NCEH1: variants seen among roughly 807,000 people sequenced by gnomAD.
The protein encoded by NCEH1 is 2-acetyl MAGE hydrolase.
Under a neutral mutation model 25.4 loss-of-function variants are expected in NCEH1, and 9 were observed. That is an observed-to-expected ratio of 0.35 (90% CI 0.21 to 0.62). The LOEUF is 0.62. Among genes scored for constraint, NCEH1 ranks in the 20% least tolerant of loss-of-function variants. The probability of loss-of-function intolerance (pLI) is 0.72; values close to 1 mark genes in which losing one functional copy is unlikely to be tolerated. For missense variants in NCEH1, 412 were observed against 501.1 expected, an observed-to-expected ratio of 0.82 and a Z score of 1.70; for synonymous variants, 200 against 199.8, an observed-to-expected ratio of 1.00 and a Z score of -0.01.
At chr3:172,681,310 C>T (rs555110853) in intron 1 of NCEH1, 2 of 152,150 alleles carry the variant, frequency 1.3e-5, no homozygotes, top group African/African-American at 4.8e-5. Flanking sequence ...TTTAAAAAGA[C>T]TCAGGTTTTT....
chr3:172,676,095 C>T (rs1488922571), intron 1 of NCEH1, among the ~76,000 whole-genome samples: 6 of 152,150 alleles, frequency 3.9e-5, no homozygotes, highest in African/African-American at 1.2e-4. Flanking sequence ...AAAGAATCAT[C>T]GTCCAACACC....
intron 1 of NCEH1, among the ~76,000 whole-genome samples, chr3:172,690,914 A>G (rs1335858467): frequency 6.7e-6 from 1 of 148,784 alleles, no homozygotes; most frequent in African/African-American, 2.6e-5. Flanking sequence ...TTTTATAATA[A>G]AATAATTCAG....
intron 1 of NCEH1, among the ~76,000 whole-genome samples, chr3:172,689,686 G>A (rs1158368122): frequency 6.0e-5 from 9 of 148,894 alleles, no homozygotes; most frequent in South Asian, 4.4e-4. Flanking sequence ...ACTCCAGCCT[G>A]GAGTGACAGC....
At chr3:172,651,461 C>G (rs1444686296) in intron 1 of NCEH1, among the ~76,000 whole-genome samples, 1 of 151,956 alleles carries the variant, frequency 6.6e-6, no homozygotes, top group Non-Finnish European at 1.5e-5. Context: ...CCACACCTTT[C>G]TATAGTTGTT....
rs865883857 is a variant in NCEH1 at position 172,658,864 on chromosome 3, T to C, written c.139-10750A>G. The stretch of plus-strand genomic sequence containing the variant: ...ACTTTTTTTTTTTTTTTTTTTTTTT[T>C]TTTTTACTATCAACACAGAAAACAA... On this transcript the variant is annotated intron_variant, in intron 1 of 4. Coordinates refer to ENST00000475381, the MANE Select transcript of NCEH1 (RefSeq NM_020792.6). 9.2e-3 allele frequency among the ~76,000 whole-genome samples: 1,370 copies of C among 148,836 alleles called. 14 individuals carry two copies. The highest frequency in any genetic ancestry group is 0.033 in the African/African-American group (1,317 of 40,190).
At chr3:172,680,560 A>G (rs1437072767) in intron 1 of NCEH1, among the ~76,000 whole-genome samples, 1 of 152,032 alleles carries the variant, frequency 6.6e-6, no homozygotes, top group Non-Finnish European at 1.5e-5. Flanking sequence ...ACAGCCATAA[A>G]TGGATGGGGA....
chr3:172,692,661 G>A (rs936003251), intron 1 of NCEH1, among the ~76,000 whole-genome samples: 12 of 152,082 alleles, frequency 7.9e-5, no homozygotes, highest in Admixed American at 2.6e-4. Flanking sequence ...CACCGTGCCT[G>A]GCCTAGAATA....
intron 1 of NCEH1, among the ~76,000 whole-genome samples, chr3:172,698,020 A>G (rs920658617): frequency 4.1e-5 from 5 of 120,578 alleles, no homozygotes; most frequent in Non-Finnish European, 8.1e-5. Flanking sequence ...TTTGTCACCC[A>G]GGTTGGAGTA....
chr3:172,637,307 G>A (rs1205602667), intron 3 of NCEH1, among the ~76,000 whole-genome samples: 1 of 152,026 alleles, frequency 6.6e-6, no homozygotes, highest in East Asian at 1.9e-4. Flanking sequence ...AAATTAGGTA[G>A]GATAAAAACT....
chr3:172,675,325 A>AT (rs1223943409), intron 1 of NCEH1, among the ~76,000 whole-genome samples: 2,935 of 151,660 alleles, frequency 0.019, 96 homozygotes, highest in African/African-American at 0.061. Context: ...AAATAAATAA[A>AT]TAAATAAATA....
intron 2 of NCEH1, among the ~76,000 whole-genome samples, chr3:172,646,018 G>GA (rs968480878): frequency 1.3e-4 from 19 of 151,792 alleles, no homozygotes; most frequent in South Asian, 4.2e-4. Flanking sequence ...CATCTTTCTG[G>GA]AAAAAAAATC....
At chr3:172,666,587 A>G (rs900950967) in intron 1 of NCEH1, among the ~76,000 whole-genome samples, 1 of 152,006 alleles carries the variant, frequency 6.6e-6, no homozygotes, top group African/African-American at 2.4e-5. Context: ...GTGTCATTTT[A>G]TCTAAACTGG....
chr3:172,664,859 T>G (rs1325815104), intron 1 of NCEH1, among the ~76,000 whole-genome samples: 1 of 152,206 alleles, frequency 6.6e-6, no homozygotes, highest in Non-Finnish European at 1.5e-5. Context: ...GCCATTTGTC[T>G]AATCTTTTTT....
intron 1 of NCEH1, among the ~76,000 whole-genome samples, chr3:172,709,231 G>A (rs2108235214): frequency 1.3e-5 from 2 of 152,350 alleles, no homozygotes; most frequent in South Asian, 4.1e-4. Flanking sequence ...TTATGATGGA[G>A]AAGACTTCTT....
chr3:172,660,675 G>A (rs575184778), intron 1 of NCEH1, among the ~76,000 whole-genome samples: 1 of 152,268 alleles, frequency 6.6e-6, no homozygotes, highest in African/African-American at 2.4e-5. Context: ...ATTCTAACTG[G>A]TGTGAGATGG....
intron 1 of NCEH1, among the ~76,000 whole-genome samples, chr3:172,705,269 T>C (rs1002249817): frequency 1.3e-5 from 2 of 152,182 alleles, no homozygotes; most frequent in Non-Finnish European, 2.9e-5. Flanking sequence ...TCAGCCTCTG[T>C]AAACTCAGCT....
intron 1 of NCEH1, among the ~76,000 whole-genome samples, chr3:172,700,103 T>G: frequency 6.6e-6 from 1 of 152,220 alleles, no homozygotes; most frequent in Admixed American, 6.5e-5. Context: ...GCACTAGCTA[T>G]CAATGTTTAA....
At chr3:172,686,959 T>C (rs1371991065) in intron 1 of NCEH1, among the ~76,000 whole-genome samples, 1 of 152,188 alleles carries the variant, frequency 6.6e-6, no homozygotes, top group Non-Finnish European at 1.5e-5. Flanking sequence ...AAACATGCTT[T>C]GCCTAAAAAG....
chr3:172,655,484 C>A (rs755898012), intron 1 of NCEH1, among the ~76,000 whole-genome samples: 1 of 152,130 alleles, frequency 6.6e-6, no homozygotes, highest in Non-Finnish European at 1.5e-5. Flanking sequence ...CTCCTGCTTC[C>A]CCTTTGATAC....
Sources: gnomAD v4.1 joint callset for allele counts (sites outside exome capture counted in the v4.1 genomes callset) on GRCh38, gnomAD v4.1.1 for gene constraint, MANE v1.5 for transcripts, NCBI Gene and HGNC (gene_info 2026-07-23, HGNC 2026-07-21) for gene names.